The following FAM83B variants were observed in gnomAD, a reference collection of about 807,000 sequenced individuals.
The protein encoded by FAM83B is scaffolding CK1 anchoring protein B, also known as protein FAM83B.
FAM83B carries 26 observed loss-of-function variants against 38.8 expected under a neutral mutation model. The observed-to-expected ratio is 0.67, with a 90% CI of 0.49 to 0.93. The LOEUF is 0.93. FAM83B is among the 40% of genes least tolerant of loss of function. FAM83B has a pLI of 0.00. For synonymous variants in FAM83B, 419 were observed against 423.1 expected, an observed-to-expected ratio of 0.99 and a Z score of 0.12; for missense variants, 1,237 against 1,197.3, an observed-to-expected ratio of 1.03 and a Z score of -0.49.
At chr6:54,848,050 G>T (rs568804469) in intron 1 of FAM83B, among the ~76,000 whole-genome samples, 7 of 145,418 alleles carry the variant, frequency 4.8e-5, no homozygotes, top group Admixed American at 1.4e-4. Context: ...GGAAGGGAGA[G>T]AGTGATGAAA....
intron 2 of FAM83B, among the ~76,000 whole-genome samples, chr6:54,924,765 A>G (rs1252930321): frequency 6.6e-6 from 1 of 152,030 alleles, no homozygotes; most frequent in African/African-American, 2.4e-5. Context: ...GATATCCAGT[A>G]TCTGGCTATC....
At chr6:54,886,232 G>A (rs2127579152) in intron 2 of FAM83B, among the ~76,000 whole-genome samples, 1 of 152,042 alleles carries the variant, frequency 6.6e-6, no homozygotes, top group South Asian at 2.1e-4. Flanking sequence ...AGAAATACTG[G>A]CTTGTAGTTT....
intron 2 of FAM83B, among the ~76,000 whole-genome samples, chr6:54,903,972 A>T (rs150454331): frequency 6.6e-6 from 1 of 151,828 alleles, no homozygotes; most frequent in East Asian, 1.9e-4. Flanking sequence ...CTTATCCATT[A>T]TGGCTGGGAG....
chr6:54,852,483 C>T (rs1771327996), intron 1 of FAM83B, among the ~76,000 whole-genome samples: 1 of 152,128 alleles, frequency 6.6e-6, no homozygotes, highest in Admixed American at 6.5e-5. Flanking sequence ...CTGACTGCTC[C>T]ACCAACTGGC....
intron 2 of FAM83B, among the ~76,000 whole-genome samples, chr6:54,885,838 G>T: frequency 7.7e-6 from 1 of 129,152 alleles, no homozygotes; most frequent in Non-Finnish European, 1.6e-5. Context: ...GAGGGGGGAG[G>T]GATAGCATTA....
chr6:54,860,079 T>C lies in FAM83B; in HGVS notation c.-60-10108T>C, dbSNP rs577910425. Among the ~76,000 whole-genome samples, 10 of 152,230 alleles carry C rather than the reference T, an allele frequency of 6.6e-5. No homozygotes were observed. In the South Asian group the frequency reaches 1.9e-3, roughly 28 times the overall value. ...TGTGTGTGTGTGTGTGTTTTCCTTT[T>C]GTTTTTGGGTGAATTTTCTCCAATT... On this transcript the variant is annotated intron_variant, in intron 1 of 4. Transcript: ENST00000306858.
rs745417474 is a variant in FAM83B at position 54,926,457 on chromosome 6, C to A, written c.531C>A (p.Tyr177Ter). The A allele has an allele frequency of 6.2e-7, 1 of 1,610,534 alleles. No homozygotes were observed. Among genetic ancestry groups the A allele is most frequent in the African/African-American group, 1.3e-5 (1 of 74,946 alleles). Residue 177 changes from tyrosine to a stop codon, truncating the protein, a stop_gained, in exon 3 of 5, where the codon TAC becomes TAA. Transcript: ENST00000306858. LOFTEE classifies it high-confidence loss of function. ...VEASTRGVSV[Y>*]ILLDESNFNH... ...CATCAACTCGAGGAGTATCTGTTTA[C>A]ATTCTGCTTGATGAGTCCAATTTTA...
In FAM83B at chr6:54,926,440, C is replaced by T; in HGVS notation, c.514C>T (p.Arg172Ter). Reference sequence around the variant, plus strand: ...CAAAGAAATCGTTGAGGCATCAACTCGAGGAGTATCTGTTTACATTCTGCT... The same window carrying T: ...CAAAGAAATCGTTGAGGCATCAACTTGAGGAGTATCTGTTTACATTCTGCT... ...IFKEIVEAST[R>*]GVSVYILLDE... Residue 172 changes from arginine (R) to a stop codon, truncating the protein, a stop_gained, in exon 3 of 5, where the codon CGA (arginine) becomes TGA (stop). Transcript: ENST00000306858. LOFTEE classifies it high-confidence loss of function. 1.9e-6 allele frequency: 3 copies of T among 1,608,714 alleles called. No individual in the cohort carries two copies. The highest frequency in any genetic ancestry group is 2.6e-6 in the Non-Finnish European group (3 of 1,176,238).
intron 2 of FAM83B, among the ~76,000 whole-genome samples, chr6:54,889,242 C>T (rs1266737122): frequency 6.6e-6 from 1 of 151,994 alleles, no homozygotes; most frequent in Non-Finnish European, 1.5e-5. Flanking sequence ...TTTCTTTTGT[C>T]TGTTTTTATT....
intron 1 of FAM83B, among the ~76,000 whole-genome samples, chr6:54,860,556 G>T (rs1375800410): frequency 6.6e-6 from 1 of 152,174 alleles, no homozygotes; most frequent in East Asian, 1.9e-4. Context: ...TAGTAACCAG[G>T]ATTGTGTGAT....
chr6:54,886,466 C>T (rs1036331991), intron 2 of FAM83B, among the ~76,000 whole-genome samples: 13 of 151,872 alleles, frequency 8.6e-5, no homozygotes, highest in African/African-American at 3.1e-4. Context: ...GGTCTAAGGC[C>T]ATTCAGATTT....
Position 54,941,457 on chromosome 6 carries a change from G to A in FAM83B, c.2486G>A (p.Arg829Lys), listed in dbSNP as rs748287080. The A allele has an allele frequency of 1.2e-6, 2 of 1,613,432 alleles. No homozygotes were observed. Among genetic ancestry groups the A allele is most frequent in the Non-Finnish European group, 1.7e-6 (2 of 1,179,894 alleles). ...GACACAAAAGTTGATTCATCTCCTA[G>A]AAGAAAGCATTCTTCCTCATCGAAT... ...KSDTKVDSSP[R>K]RKHSSSSNSQ... Residue 829 changes from arginine to lysine, a missense_variant, in exon 5 of 5, where the codon AGA (arginine) becomes AAA (lysine). Arg to Lys is a conservative substitution (Grantham distance 26). Coordinates refer to ENST00000306858, the MANE Select transcript of FAM83B (RefSeq NM_001010872.3).
chr6:54,892,096 T>C (rs1044581883), intron 2 of FAM83B, among the ~76,000 whole-genome samples: 2 of 152,202 alleles, frequency 1.3e-5, no homozygotes, highest in Non-Finnish European at 2.9e-5. Context: ...CATTTCTGCT[T>C]TCTCCCGTAT....
chr6:54,930,721 T>G (rs1773401516), intron 4 of FAM83B, among the ~76,000 whole-genome samples: 1 of 152,066 alleles, frequency 6.6e-6, no homozygotes, highest in Non-Finnish European at 1.5e-5. Flanking sequence ...CTTTCAGAAT[T>G]TCCCTTTTTT....
chr6:54,941,531 T>C lies in FAM83B; in HGVS notation c.2560T>C (p.Ser854Pro). Reference sequence around the variant, plus strand: ...TAAGGAAGATGTAACAGTTAGCCCATCTCAAGAGATAAATGCTCCACCAGA... The same window carrying C: ...TAAGGAAGATGTAACAGTTAGCCCACCTCAAGAGATAAATGCTCCACCAGA... ...KSKEDVTVSPSQEINAPPDEN... is the reference protein window; with the variant it reads ...KSKEDVTVSPPQEINAPPDEN... Residue 854 changes from serine (S) to proline (P), a missense_variant, in exon 5 of 5, where the codon TCT becomes CCT. Physicochemically the swap from Ser to Pro is moderately conservative, Grantham distance 74 (BLOSUM62 -1). Transcript: ENST00000306858. The C allele has an allele frequency of 1.2e-6, 2 of 1,614,028 alleles. No individual in the cohort carries two copies. Among genetic ancestry groups the C allele is most frequent in the Non-Finnish European group, 1.7e-6 (2 of 1,179,988 alleles).
Position 54,944,034 on chromosome 6 carries a change from C to T in FAM83B, c.*2027C>T, listed in dbSNP as rs1773755697. The T allele has an allele frequency of 6.6e-6, 1 of 152,104 alleles. No homozygotes were observed. Among genetic ancestry groups the T allele is most frequent in the Non-Finnish European group, 1.5e-5 (1 of 68,010 alleles). The allele number at this position is 152,104 out of a possible 1,614,324, so 9.4% of individuals were successfully genotyped here. ...GACAGGTGACTTAGGCTTTGCACAG[C>T]AGATTTATTTTTCTCTGCGTTTTTT... On this transcript the variant is annotated 3_prime_UTR_variant, in exon 5 of 5. Coordinates refer to ENST00000306858, the MANE Select transcript of FAM83B (RefSeq NM_001010872.3).
At chr6:54,923,244 G>C (rs1773212243) in intron 2 of FAM83B, among the ~76,000 whole-genome samples, 7 of 151,934 alleles carry the variant, frequency 4.6e-5, no homozygotes, top group Admixed American at 4.6e-4. Context: ...AATATCTAAT[G>C]TTCTTTAATG....
At chr6:54,892,209 C>T (rs569969908) in intron 2 of FAM83B, among the ~76,000 whole-genome samples, 52 of 152,280 alleles carry the variant, frequency 3.4e-4, no homozygotes, top group African/African-American at 1.2e-3. Flanking sequence ...GCCCTCACTT[C>T]ATCCAACAAC....
At chr6:54,911,649 A>G (rs1163648535) in intron 2 of FAM83B, among the ~76,000 whole-genome samples, 1 of 152,074 alleles carries the variant, frequency 6.6e-6, no homozygotes, top group African/African-American at 2.4e-5. Context: ...GAACTGCTTC[A>G]CATTTTAATA....
Sources: gnomAD v4.1 joint callset for allele counts (sites outside exome capture counted in the v4.1 genomes callset) on GRCh38, gnomAD v4.1.1 for gene constraint, MANE v1.5 for transcripts, NCBI Gene and HGNC (gene_info 2026-07-23, HGNC 2026-07-21) for gene names.